The following ISCA1 variants were observed in gnomAD, a reference collection of about 807,000 sequenced individuals.
ISCA1 encodes the protein iron-sulfur cluster assembly 1 homolog, mitochondrial.
ISCA1 carries 9 observed loss-of-function variants against 14.7 expected under a neutral mutation model. The observed-to-expected ratio is 0.61, with a 90% CI of 0.37 to 1.07. ISCA1 has a LOEUF of 1.07. Ranked by LOEUF, ISCA1 falls within the 50% of genes least tolerant of loss-of-function variation. The pLI is 0.01. For missense variants in ISCA1, 102 were observed against 150.1 expected, an observed-to-expected ratio of 0.68 and a Z score of 1.67; for synonymous variants, 38 against 54.3, an observed-to-expected ratio of 0.70 and a Z score of 1.32.
intron 2 of ISCA1, 104 bp downstream of exon 2, chr9:86,274,085 T>C (rs1250596393): frequency 3.1e-6 from 2 of 647,140 alleles, no homozygotes; most frequent in East Asian, 2.8e-5. Context: ...TTTTACATTT[T>C]AAATAAAAAC....
In ISCA1 at chr9:86,282,257, C is replaced by G. The variant is rs1825529859; in HGVS notation, c.81+121G>C. ...GGCGAGGCTGTGCGGCGGGTCGGAGCGACGCCGAGGTCTGACGTGTCCGCG... is the reference window on the plus strand; with the variant it reads ...GGCGAGGCTGTGCGGCGGGTCGGAGGGACGCCGAGGTCTGACGTGTCCGCG... On this transcript the variant is annotated intron_variant, in intron 1 of 3. Transcript: ENST00000375991. 19 of 1,108,138 alleles carry G rather than the reference C, an allele frequency of 1.7e-5. No individual in the cohort carries two copies. The South Asian group carries it at 3.0e-4, about 18-fold the overall frequency. 68.6% of individuals were successfully genotyped at this position (1,108,138 alleles called of 1,614,324 possible). A position where few individuals can be genotyped will look rare whatever the true frequency, so the allele number is the denominator to read the frequency against.
At chr9:86,269,926 T>C (rs960710512) in intron 3 of ISCA1, among the ~76,000 whole-genome samples, 3 of 152,194 alleles carry the variant, frequency 2.0e-5, no homozygotes, top group African/African-American at 7.2e-5. Flanking sequence ...CCTTACACCT[T>C]ATACCAAAAT....
chr9:86,280,064 C>A (rs1214718655), intron 1 of ISCA1, among the ~76,000 whole-genome samples: 1 of 152,162 alleles, frequency 6.6e-6, no homozygotes, highest in Non-Finnish European at 1.5e-5. Context: ...ACCTTGAGAA[C>A]TGCTATGATA....
intron 3 of ISCA1, among the ~76,000 whole-genome samples, chr9:86,270,615 A>C (rs1825357072): frequency 2.6e-5 from 4 of 152,010 alleles, no homozygotes. Flanking sequence ...AGGACTACAA[A>C]TCATGCTGCT....
chr9:86,274,862 T>C (rs954223232), intron 1 of ISCA1, among the ~76,000 whole-genome samples: 1 of 152,166 alleles, frequency 6.6e-6, no homozygotes, highest in Non-Finnish European at 1.5e-5. Flanking sequence ...TGAACAAAAC[T>C]AAGCTAGTCA....
intron 1 of ISCA1, among the ~76,000 whole-genome samples, chr9:86,279,049 G>A (rs1301216091): frequency 6.6e-6 from 1 of 152,160 alleles, no homozygotes. Flanking sequence ...TTCCTAAACT[G>A]CCTTCGTATA....
chr9:86,274,300 T>A, intron 1 of ISCA1, 58 bp from the exon 2 acceptor site: 1 of 1,150,238 alleles, frequency 8.7e-7, no homozygotes, highest in Non-Finnish European at 1.3e-6. Context: ...GCCTCATATT[T>A]ATCAGTCTTC....
intron 1 of ISCA1, among the ~76,000 whole-genome samples, chr9:86,277,727 T>C (rs563439699): frequency 3.3e-5 from 5 of 152,320 alleles, no homozygotes; most frequent in Non-Finnish European, 5.9e-5. Flanking sequence ...TTAATGAATA[T>C]AGCTTACCTG....
intron 2 of ISCA1, among the ~76,000 whole-genome samples, chr9:86,272,936 T>C (rs912506874): frequency 7.9e-5 from 12 of 152,228 alleles, no homozygotes; most frequent in African/African-American, 2.9e-4. Flanking sequence ...CAAATATTTC[T>C]GACCTATGGT....
chr9:86,274,937 G>A (rs530950413), intron 1 of ISCA1, among the ~76,000 whole-genome samples: 17 of 152,130 alleles, frequency 1.1e-4, no homozygotes, highest in African/African-American at 2.9e-4. Flanking sequence ...ATAGCTCAGC[G>A]GGCCTCAAAA....
In ISCA1 at chr9:86,278,522, T is replaced by A. The variant is rs1825469597; in HGVS notation, c.81+3856A>T. 2.6e-5 allele frequency among the ~76,000 whole-genome samples: 4 copies of A among 151,530 alleles called. No homozygotes were observed. The South Asian group carries it at 8.4e-4, about 32-fold the overall frequency. On this transcript the variant is annotated intron_variant, in intron 1 of 3. Transcript: ENST00000375991. ...TCTACAATAAATTAAAAAAAAAAAA[T>A]TAGCAGTCAAGGTGACATGTGCCTG...
chr9:86,282,267 G>A (rs1045923360), intron 1 of ISCA1, 111 bp downstream of exon 1: 7 of 1,209,204 alleles, frequency 5.8e-6, no homozygotes, highest in Non-Finnish European at 6.8e-6. Flanking sequence ...CGACGCCGAG[G>A]TCTGACGTGT....
chr9:86,268,676 G>A (rs1439216040), intron 3 of ISCA1, among the ~76,000 whole-genome samples: 1 of 151,938 alleles, frequency 6.6e-6, no homozygotes, highest in African/African-American at 2.4e-5. Flanking sequence ...GGTGTACCAT[G>A]TTTTATTTTC....
At position 86,282,519 on chromosome 9, in the gene ISCA1, A is replaced by T. The variant is rs909270385; in HGVS notation, c.-61T>A. On this transcript the variant is annotated 5_prime_UTR_variant, in exon 1 of 4. The change abolishes an upstream ATG in the 5' untranslated region. Coordinates refer to ENST00000375991, the MANE Select transcript of ISCA1 (RefSeq NM_030940.4). The stretch of plus-strand genomic sequence containing the variant: ...AGGTCGGCCGCCTCAGCTTCTCTCC[A>T]TGGACACGGCGGGCGCATTGACGCC... 3.2e-6 allele frequency: 5 copies of T among 1,549,276 alleles called. No individual in the cohort carries two copies. The highest frequency in any genetic ancestry group is 4.4e-6 in the Non-Finnish European group (5 of 1,146,356).
intron 1 of ISCA1, chr9:86,282,069 T>C (rs1273280440): frequency 2.5e-6 from 1 of 406,030 alleles, no homozygotes; most frequent in South Asian, 3.4e-5. Context: ...CCGGCAGGAG[T>C]GTGGAGGCGA....
rs758650155 is a variant in ISCA1 at position 86,272,131 on chromosome 9, T to C, written c.136-19A>G. ...CACCTACCTGAAAAAGAAGTGAAAA[T>C]ATAAACTTGGTTTTAAAGTAGTACA... is the stretch of plus-strand genomic sequence containing the variant. On this transcript the variant is annotated intron_variant, in intron 2 of 3. Coordinates refer to ENST00000375991, the MANE Select transcript of ISCA1 (RefSeq NM_030940.4). 4.8e-6 allele frequency: 7 copies of C among 1,465,314 alleles called. No homozygotes were observed. In the South Asian group the frequency reaches 6.9e-5, roughly 14 times the overall value. The allele number at this position is 1,465,314 out of a possible 1,614,324, so 90.8% of individuals were successfully genotyped here.
At chr9:86,278,853 T>C (rs1387350717) in intron 1 of ISCA1, among the ~76,000 whole-genome samples, 1 of 152,208 alleles carries the variant, frequency 6.6e-6, no homozygotes, top group Non-Finnish European at 1.5e-5. Flanking sequence ...CATTGTGATT[T>C]AGGTATTAAA....
chr9:86,279,701 C>G (rs1221630041), intron 1 of ISCA1, among the ~76,000 whole-genome samples: 1 of 152,144 alleles, frequency 6.6e-6, no homozygotes, highest in Non-Finnish European at 1.5e-5. Context: ...TAACATTTAC[C>G]TCTTCCAATC....
intron 3 of ISCA1, among the ~76,000 whole-genome samples, chr9:86,270,855 ACAC>A (rs1428636777): frequency 6.8e-6 from 1 of 148,126 alleles, no homozygotes; most frequent in Non-Finnish European, 1.5e-5. Flanking sequence ...AAAAAACCAA[ACAC>A]CACATGTTCT....
Sources: gnomAD v4.1 joint callset for allele counts (sites outside exome capture counted in the v4.1 genomes callset) on GRCh38, gnomAD v4.1.1 for gene constraint, MANE v1.5 for transcripts, NCBI Gene and HGNC (gene_info 2026-07-23, HGNC 2026-07-21) for gene names.